LRRC14: variants seen among roughly 807,000 people sequenced by gnomAD.
LRRC14 encodes the protein leucine-rich repeat-containing protein 14.
Under a neutral mutation model 25.3 loss-of-function variants are expected in LRRC14, and 16 were observed. The ratio of observed to expected loss-of-function variants is 0.63; its 90% CI spans 0.43 to 0.96. The LOEUF is 0.96. LRRC14 is among the 40% of genes least tolerant of loss of function. The pLI is 0.00. For missense variants in LRRC14, 594 were observed against 660.5 expected (o/e 0.90, Z 1.10); for synonymous variants, 359 against 295.1 (o/e 1.22, Z -2.22).
At position 144,522,770 on chromosome 8, in the gene LRRC14, A is replaced by G. The variant is rs1209268921; in HGVS notation, c.*1292A>G. The G allele has an allele frequency of 6.4e-6, 10 of 1,566,228 alleles. No homozygotes were observed. The highest frequency in any genetic ancestry group is 1.8e-4 in the Middle Eastern group (1 of 5,482). ...CATGGCGACCAGGAGCAGCGCCGTG[A>G]GCGCCAGCAGCGCGATGGCCGCCGC... is the stretch of plus-strand genomic sequence containing the variant. On this transcript the variant is annotated 3_prime_UTR_variant, in exon 4 of 4. Transcript: ENST00000292524.
At chr8:144,519,385 G>C (rs1815797368) in intron 1 of LRRC14, 2 of 415,324 alleles carry the variant, frequency 4.8e-6, no homozygotes, top group Admixed American at 7.4e-5. Flanking sequence ...AGTACCCATG[G>C]GGGGCCCTGC....
At position 144,524,840 on chromosome 8, in the gene LRRC14, C is replaced by T. The variant is rs1038035739; in HGVS notation, c.*3362C>T. ...CCTGCGTCCCTGGCGGGATTCCCAG[C>T]GGGACGACGCGCAACCGCAGGGCGC... On this transcript the variant is annotated 3_prime_UTR_variant, in exon 4 of 4. Transcript: ENST00000292524. The T allele has an allele frequency of 2.7e-6, 4 of 1,479,006 alleles. No homozygotes were observed. Among genetic ancestry groups the T allele is most frequent in the Non-Finnish European group, 3.6e-6 (4 of 1,114,874 alleles). The allele number at this position is 1,479,006 out of a possible 1,614,324, so 91.6% of individuals were successfully genotyped here. A position where few individuals can be genotyped will look rare whatever the true frequency, so the allele number is the denominator to read the frequency against.
Position 144,523,128 on chromosome 8 carries a change from G to A in LRRC14, c.*1650G>A. On this transcript the variant is annotated 3_prime_UTR_variant, in exon 4 of 4. Coordinates refer to ENST00000292524, the MANE Select transcript of LRRC14 (RefSeq NM_014665.4). ...CGCGGCCGGCCCTCGCGAGGCTGGG[G>A]CACCTTTCTCCAGGTCACCAATGGC... 1 of 1,610,292 alleles carries A rather than the reference G, an allele frequency of 6.2e-7. No homozygotes were observed. Among genetic ancestry groups the A allele is most frequent in the Non-Finnish European group, 8.5e-7 (1 of 1,179,524 alleles).
chr8:144,521,187 C>A lies in LRRC14; in HGVS notation c.1191C>A (p.Tyr397Ter). ...TGACTCAGTGCGCCAGTCTCCGGTA[C>A]CTTGGCCTCTATGGCAACCCACTGT... ...PILTQCASLR[Y>*]LGLYGNPLSM... is the part of the protein sequence containing the mutation. Residue 397 changes from tyrosine (Y) to a stop codon, truncating the protein, a stop_gained, in exon 4 of 4, where the codon TAC becomes TAA. Transcript: ENST00000292524. LOFTEE classifies it high-confidence loss of function. 6.2e-7 allele frequency: 1 copy of A among 1,613,248 alleles called. No individual in the cohort carries two copies. Among genetic ancestry groups the A allele is most frequent in the Non-Finnish European group, 8.5e-7 (1 of 1,180,024 alleles).
Position 144,520,980 on chromosome 8 carries a change from C to G in LRRC14, c.984C>G (p.Phe328Leu). The change falls in exon 4 of 4, where the codon TTC (phenylalanine) becomes TTG (leucine). Residue 328 changes from phenylalanine (F) to leucine (L), a missense_variant. Physicochemically the swap from Phe to Leu is conservative, Grantham distance 22. Coordinates refer to ENST00000292524, the MANE Select transcript of LRRC14 (RefSeq NM_014665.4). ...FCALLPEDLR[F>L]LARSPHAAHL... is the part of the protein sequence containing the mutation. ...CTCTGCTGCCTGAGGACCTACGCTT[C>G]CTGGCACGGAGCCCACATGCTGCCC... 1.2e-5 allele frequency: 19 copies of G among 1,613,188 alleles called. No homozygotes were observed. The highest frequency in any genetic ancestry group is 1.6e-5 in the Non-Finnish European group (19 of 1,180,042).
chr8:144,524,533 C>T lies in LRRC14; in HGVS notation c.*3055C>T. ...AGCTGGGCCAGGCCTACGAAGGCGC[C>T]GCTGCGCAAGCCGCGCAGCCGGTTG... On this transcript the variant is annotated 3_prime_UTR_variant, in exon 4 of 4. Transcript: ENST00000292524. 6.3e-7 allele frequency: 1 copy of T among 1,587,652 alleles called. No homozygotes were observed. Among genetic ancestry groups the T allele is most frequent in the Non-Finnish European group, 8.5e-7 (1 of 1,175,598 alleles).
intron 1 of LRRC14, 69 bp downstream of exon 1, chr8:144,518,110 G>A (rs1023388489): frequency 1.1e-5 from 2 of 174,158 alleles, no homozygotes; most frequent in Non-Finnish European, 1.2e-5. Flanking sequence ...CTGGCCTCAA[G>A]GGGCGGGGCA....
chr8:144,522,693 C>A lies in LRRC14; in HGVS notation c.*1215C>A. On this transcript the variant is annotated 3_prime_UTR_variant, in exon 4 of 4. Coordinates refer to ENST00000292524, the MANE Select transcript of LRRC14 (RefSeq NM_014665.4). ...AAGTAGTCGTTGACGAACAGCGCTC[C>A]CTCCCCCGGAGGCCCCCGCGCCTTT... 1 of 1,597,000 alleles carries A rather than the reference C, an allele frequency of 6.3e-7. No homozygotes were observed.
At position 144,524,225 on chromosome 8, in the gene LRRC14, C is replaced by G. The variant is rs1432456984; in HGVS notation, c.*2747C>G. The G allele has an allele frequency of 1.2e-6, 2 of 1,612,672 alleles. No homozygotes were observed. The highest frequency in any genetic ancestry group is 2.2e-5 in the South Asian group (2 of 91,086). On this transcript the variant is annotated 3_prime_UTR_variant, in exon 4 of 4. Transcript: ENST00000292524. ...CTAGGGAGGACAGCCCCGCTAGAGC[C>G]TGGTCCTCCAGCAGCTCAATGCTGT...
intron 3 of LRRC14, 25 bp downstream of exon 3, chr8:144,520,847 G>C: frequency 6.3e-7 from 1 of 1,593,748 alleles, no homozygotes; most frequent in Non-Finnish European, 8.5e-7. Flanking sequence ...CCACTGCCCT[G>C]CCCCTCCCTT....
chr8:144,521,023 C>G lies in LRRC14; in HGVS notation c.1027C>G (p.Leu343Val). 1 of 1,613,124 alleles carries G rather than the reference C, an allele frequency of 6.2e-7. No homozygotes were observed. Among genetic ancestry groups the G allele is most frequent in the Non-Finnish European group, 8.5e-7 (1 of 1,180,038 alleles). ...PHAAHLKKLDLSGNDLSGSQL... is the reference protein window; with the variant it reads ...PHAAHLKKLDVSGNDLSGSQL... ...TGCTGCCCACCTCAAGAAGTTGGAC[C>G]TGAGTGGTAACGACCTGTCTGGCAG... is the stretch of plus-strand genomic sequence containing the variant. Residue 343 changes from leucine (L) to valine (V), a missense_variant, in exon 4 of 4, where the codon CTG becomes GTG. Leu to Val is a conservative substitution (Grantham distance 32). Coordinates refer to ENST00000292524, the MANE Select transcript of LRRC14 (RefSeq NM_014665.4).
chr8:144,522,244 T>G lies in LRRC14; in HGVS notation c.*766T>G. 3.8e-6 allele frequency: 2 copies of G among 523,258 alleles called. No homozygotes were observed. Among genetic ancestry groups the G allele is most frequent in the Non-Finnish European group, 6.0e-6 (2 of 330,804 alleles). The allele number at this position is 523,258 out of a possible 1,614,324, so 32.4% of individuals were successfully genotyped here. A position where few individuals can be genotyped will look rare whatever the true frequency, so the allele number is the denominator to read the frequency against. ...CAGGGCCAGCGAGGGACCCCCCCCA[T>G]GCAGAGCTGGAGGTTGGGGTGATGT... is the stretch of plus-strand genomic sequence containing the variant. On this transcript the variant is annotated 3_prime_UTR_variant, in exon 4 of 4. Coordinates refer to ENST00000292524, the MANE Select transcript of LRRC14 (RefSeq NM_014665.4).
intron 1 of LRRC14, 39 bp from the exon 2 acceptor site, chr8:144,519,576 C>T (rs1815833087): frequency 1.5e-6 from 1 of 688,982 alleles, no homozygotes; most frequent in Non-Finnish European, 2.5e-6. Context: ...AGGTGCTTCT[C>T]TGTGCCATGG....
chr8:144,524,879 G>C lies in LRRC14; in HGVS notation c.*3401G>C, dbSNP rs771182569. On this transcript the variant is annotated 3_prime_UTR_variant, in exon 4 of 4. Coordinates refer to ENST00000292524, the MANE Select transcript of LRRC14 (RefSeq NM_014665.4). ...ACCGCAGGGCGCCACACTCCACCGT[G>C]GCGCTGTAGCAGCGGCAGGCTGCTG... 11 of 1,513,198 alleles carry C rather than the reference G, an allele frequency of 7.3e-6. No individual in the cohort carries two copies. The South Asian group carries it at 1.2e-4, about 17-fold the overall frequency. The allele number at this position is 1,513,198 out of a possible 1,614,324, so 93.7% of individuals were successfully genotyped here.
rs896800793 is a variant in LRRC14 at position 144,525,040 on chromosome 8, C to T, written c.*3562C>T. ...GCCGCAGACGCGTGCCCTCCTGAAA[C>T]ACAGGTTGGCAGGCCAGTCTCGGCA... On this transcript the variant is annotated 3_prime_UTR_variant, in exon 4 of 4. Transcript: ENST00000292524. 4.8e-5 allele frequency: 65 copies of T among 1,363,432 alleles called. No individual in the cohort carries two copies. In the African/African-American group the frequency reaches 5.2e-4, roughly 11 times the overall value. The allele number at this position is 1,363,432 out of a possible 1,614,324, so 84.5% of individuals were successfully genotyped here.
rs60812033 is a variant in LRRC14, at chr8:144,521,394, G to C, written c.1398G>C (p.Gln466His). ...KFARVEAELHQLLLASGRAHV... is the reference protein window; with the variant it reads ...KFARVEAELHHLLLASGRAHV... ...CCCGCGTAGAAGCTGAGTTGCACCAGCTGCTTCTAGCCTCAGGCCGTGCCC... is the reference window on the plus strand; with the variant it reads ...CCCGCGTAGAAGCTGAGTTGCACCACCTGCTTCTAGCCTCAGGCCGTGCCC... The change falls in exon 4 of 4, where the codon CAG becomes CAC. Residue 466 changes from glutamine to histidine, a missense_variant. By Grantham distance (24) the Gln-to-His change is conservative (BLOSUM62 0). Transcript: ENST00000292524. The C allele has an allele frequency of 1.9e-6, 3 of 1,611,758 alleles. No homozygotes were observed. Among genetic ancestry groups the C allele is most frequent in the Non-Finnish European group, 2.5e-6 (3 of 1,180,014 alleles).
Position 144,524,498 on chromosome 8 carries a change from G to A in LRRC14, c.*3020G>A. On this transcript the variant is annotated 3_prime_UTR_variant, in exon 4 of 4. Coordinates refer to ENST00000292524, the MANE Select transcript of LRRC14 (RefSeq NM_014665.4). ...GCGCCAGCTGGTTGCCCGCCAGGTA[G>A]AGCACGCGCAGCTGGGCCAGGCCTA... The A allele has an allele frequency of 6.3e-7, 1 of 1,597,242 alleles. No individual in the cohort carries two copies. The highest frequency in any genetic ancestry group is 1.1e-5 in the South Asian group (1 of 90,922).
At position 144,523,555 on chromosome 8, in the gene LRRC14, T is replaced by A; in HGVS notation, c.*2077T>A. On this transcript the variant is annotated 3_prime_UTR_variant, in exon 4 of 4. Coordinates refer to ENST00000292524, the MANE Select transcript of LRRC14 (RefSeq NM_014665.4). ...AGTCCAAGGCCCTGCCACCCCTTCC[T>A]TGACCCCAAGCTCCTTGGGGCGGCA... The A allele has an allele frequency of 7.7e-7, 1 of 1,299,960 alleles. No individual in the cohort carries two copies. Among genetic ancestry groups the A allele is most frequent in the Non-Finnish European group, 9.9e-7 (1 of 1,011,054 alleles). 80.5% of individuals were successfully genotyped at this position (1,299,960 alleles called of 1,614,324 possible).
At chr8:144,519,407 C>T (rs909670385) in intron 1 of LRRC14, 18 of 464,450 alleles carry the variant, frequency 3.9e-5, no homozygotes, top group Admixed American at 6.9e-5. Flanking sequence ...AGGCAACAGG[C>T]ATCTGTCAAA....
Sources: allele counts gnomAD v4.1 joint callset, GRCh38; gene constraint gnomAD v4.1.1; transcripts MANE v1.5; gene names NCBI Gene and HGNC (gene_info 2026-07-23, HGNC 2026-07-21).